RDH13: variants seen among roughly 807,000 people sequenced by gnomAD.
RDH13 encodes retinol dehydrogenase 13.
A neutral mutation model predicts 28.3 loss-of-function variants in RDH13; 35 were observed. The ratio of observed to expected loss-of-function variants is 1.24; its 90% confidence interval spans 0.95 to 1.64. The LOEUF (loss-of-function observed/expected upper bound fraction) is 1.64, where lower values mean the gene tolerates loss of function less well. Among genes scored for constraint, RDH13 ranks in the 40% most tolerant of loss-of-function variants. The pLI is 0.00. For synonymous variants in RDH13, 229 were observed against 198.5 expected, an observed-to-expected ratio of 1.15 and a Z score of -1.29; for missense variants, 514 against 446.3, an observed-to-expected ratio of 1.15 and a Z score of -1.37.
upstream of RDH13, chr19:55,063,543 C>G (rs975046876): frequency 3.9e-5 from 6 of 154,426 alleles, no homozygotes; most frequent in African/African-American, 1.4e-4. Flanking sequence ...GATCTAGTAG[C>G]CTGTGGGTAC....
chr19:55,041,487 TAGGA>T (rs2075028366), downstream of RDH13: 1 of 152,168 alleles, frequency 6.6e-6, no homozygotes, highest in Non-Finnish European at 1.5e-5. Context: ...TGATGGCGTT[TAGGA>T]AGAATATTAT....
upstream of RDH13, chr19:55,063,756 A>G: frequency 6.5e-6 from 1 of 153,644 alleles, no homozygotes; most frequent in Non-Finnish European, 1.5e-5. Context: ...TCATTCCCAA[A>G]TTATCAGAAT....
rs965257847 is a variant in RDH13 at position 55,044,335 on chromosome 19, T to G, written c.*739A>C. On this transcript the variant is annotated 3_prime_UTR_variant, in exon 7 of 7. Coordinates refer to ENST00000415061, the MANE Select transcript of RDH13 (RefSeq NM_001145971.2). ...CTCGGGTACATTTTCTTCTTTTTTTTTTCTTTTAAATGAGCAAGTTTGAGA... is the reference window on the plus strand; with the variant it reads ...CTCGGGTACATTTTCTTCTTTTTTTGTTCTTTTAAATGAGCAAGTTTGAGA... 6.6e-6 allele frequency: 1 copy of G among 152,140 alleles called. No homozygotes were observed. Among genetic ancestry groups the G allele is most frequent in the African/African-American group, 2.4e-5 (1 of 41,420 alleles). The allele number at this position is 152,140 out of a possible 1,614,324, so 9.4% of individuals were successfully genotyped here. A position where few individuals can be genotyped will look rare whatever the true frequency, so the allele number is the denominator to read the frequency against.
At chr19:55,052,873 A>G (rs890682621) in intron 3 of RDH13, among the ~76,000 whole-genome samples, 37 of 151,672 alleles carry the variant, frequency 2.4e-4, no homozygotes, top group Non-Finnish European at 4.3e-4. Flanking sequence ...CGTGTTGGCC[A>G]GGATGGTCTC....
At chr19:55,043,766 G>T (rs2075105677), downstream of RDH13, among the ~76,000 whole-genome samples, 1 of 152,068 alleles carries the variant, frequency 6.6e-6, no homozygotes, top group Non-Finnish European at 1.5e-5. Flanking sequence ...GCTTTTCGGT[G>T]CCTCCTTCGG....
chr19:55,042,310 A>G (rs999383551), downstream of RDH13: 1 of 152,140 alleles, frequency 6.6e-6, no homozygotes, highest in African/African-American at 2.4e-5. Flanking sequence ...GCCATCGCAC[A>G]TGTATATGGG....
Position 55,045,206 on chromosome 19 carries a change from G to A in RDH13, c.864C>T (p.Phe288=), listed in dbSNP as rs56125820. 1.9e-5 allele frequency: 31 copies of A among 1,613,452 alleles called. No homozygotes were observed. In the African/African-American group the frequency reaches 2.1e-4, roughly 11 times the overall value. ...CCGGGGCCTTCTGTTTGAGTCCATCGAAGTACTTTCCGGAAACATCCGCCA... is the reference window on the plus strand; with the variant it reads ...CCGGGGCCTTCTGTTTGAGTCCATCAAAGTACTTTCCGGAAACATCCGCCA... ...EELADVSGKY[F]DGLKQKAPAP... Residue 288 remains phenylalanine (F), a synonymous_variant, in exon 7 of 7, where the codon TTC becomes TTT. Coordinates refer to ENST00000415061, the MANE Select transcript of RDH13 (RefSeq NM_001145971.2).
chr19:55,069,476 T>A (rs941382184), exon 1 of RDH13: 3 of 152,082 alleles, frequency 2.0e-5, no homozygotes, highest in Non-Finnish European at 4.4e-5. Context: ...CCCATTAGAG[T>A]AAGCATTCGG....
intron 6 of RDH13, chr19:55,047,084 T>G: frequency 7.9e-7 from 1 of 1,261,532 alleles, no homozygotes; most frequent in Non-Finnish European, 1.0e-6. Flanking sequence ...TGCAGCTGGT[T>G]TGGGGTGAAG....
downstream of RDH13, among the ~76,000 whole-genome samples, chr19:55,039,883 TACA>T (rs1391874334): frequency 1.3e-5 from 2 of 152,102 alleles, no homozygotes; most frequent in African/African-American, 4.8e-5. Flanking sequence ...AGATACATGC[TACA>T]ACGTGATGGA....
intron 3 of RDH13, among the ~76,000 whole-genome samples, chr19:55,054,870 G>C (rs1425422410): frequency 6.6e-6 from 1 of 151,984 alleles, no homozygotes; most frequent in Non-Finnish European, 1.5e-5. Context: ...GTAAGTATTT[G>C]AGGTAATGCA....
At chr19:55,051,301 C>T (rs1568701402) in intron 3 of RDH13, among the ~76,000 whole-genome samples, 2 of 152,204 alleles carry the variant, frequency 1.3e-5, no homozygotes, top group Non-Finnish European at 2.9e-5. Flanking sequence ...CGTGCGGAGA[C>T]CCAGGGAAGG....
chr19:55,045,192 T>A lies in RDH13; in HGVS notation c.878A>T (p.Gln293Leu). The change falls in exon 7 of 7, where the codon CAG becomes CTG. Residue 293 changes from glutamine to leucine, a missense_variant. Gln to Leu is a moderately radical substitution (Grantham distance 113). Coordinates refer to ENST00000415061, the MANE Select transcript of RDH13 (RefSeq NM_001145971.2). ...VSGKYFDGLK[Q>L]KAPAPEAEDE... ...CTCAGCCTCGGGGGCCGGGGCCTTC[T>A]GTTTGAGTCCATCGAAGTACTTTCC... The A allele has an allele frequency of 6.2e-7, 1 of 1,613,660 alleles. No individual in the cohort carries two copies. The highest frequency in any genetic ancestry group is 8.5e-7 in the Non-Finnish European group (1 of 1,180,026).
intron 2 of RDH13, 34 bp downstream of exon 2, chr19:55,059,123 A>G (rs377168342): frequency 1.5e-6 from 2 of 1,370,850 alleles, no homozygotes; most frequent in African/African-American, 2.9e-5. Context: ...ATGTACAGAT[A>G]TCTCTCTGAG....
Position 55,044,891 on chromosome 19 carries a change from A to C in RDH13, c.*183T>G. 5.4e-6 allele frequency: 3 copies of C among 560,328 alleles called. No individual in the cohort carries two copies. Among genetic ancestry groups the C allele is most frequent in the Admixed American group, 3.3e-5 (1 of 30,236 alleles). 34.7% of individuals were successfully genotyped at this position (560,328 alleles called of 1,614,324 possible). A position where few individuals can be genotyped will look rare whatever the true frequency, so the allele number is the denominator to read the frequency against. On this transcript the variant is annotated 3_prime_UTR_variant, in exon 7 of 7. Transcript: ENST00000415061. The stretch of plus-strand genomic sequence containing the variant: ...GAGCAGACGGAACCAGCCAGAGCCC[A>C]GGGCAGTGCTCACCTGCAGGCCAGT...
intron 6 of RDH13, 187 bp downstream of exon 6, chr19:55,047,200 G>A (rs775821): frequency 0.28 from 397,206 of 1,400,336 alleles, 57,353 homozygotes; most frequent in Admixed American, 0.36. Context: ...TGCTTCCCGG[G>A]GCTGTTAGAG....
At chr19:55,049,789 CAAAA>C (rs71181733) in intron 3 of RDH13, among the ~76,000 whole-genome samples, 1 of 126,502 alleles carries the variant, frequency 7.9e-6, no homozygotes, top group African/African-American at 3.0e-5. Flanking sequence ...AACTCCATCT[CAAAA>C]AAAAAAAAAA....
intron 5 of RDH13, 170 bp downstream of exon 5, chr19:55,048,159 T>C: frequency 1.3e-6 from 2 of 1,534,700 alleles, no homozygotes; most frequent in South Asian, 2.4e-5. Flanking sequence ...AACGATCGAT[T>C]AGTGATGTCT....
At position 55,048,736 on chromosome 19, in the gene RDH13, T is replaced by C. The variant is rs1243436856; in HGVS notation, c.368A>G (p.Asn123Ser). The C allele has an allele frequency of 6.2e-7, 1 of 1,613,710 alleles. No homozygotes were observed. Among genetic ancestry groups the C allele is most frequent in the Admixed American group, 1.7e-5 (1 of 59,938 alleles). Residue 123 changes from asparagine to serine, a missense_variant, in exon 4 of 7, where the codon AAC becomes AGC. Coordinates refer to ENST00000415061, the MANE Select transcript of RDH13 (RefSeq NM_001145971.2). ...GGGGCACCGCATCACACCCGCGTTG[T>C]TGATTAGAATGTCCACTCGCTCCTC... ...EEEERVDILI[N>S]NAGVMRCPHW...
Sources: allele counts gnomAD v4.1 joint callset (sites outside exome capture counted in the v4.1 genomes callset), GRCh38; gene constraint gnomAD v4.1.1; transcripts MANE v1.5; gene names NCBI Gene and HGNC (gene_info 2026-07-23, HGNC 2026-07-21).